Variants in ATP6V0A4 observed in about 807,000 individuals in gnomAD.
ATP6V0A4 encodes the protein ATPase H+ transporting V0 subunit a4, also known as V-type proton ATPase 116 kDa subunit a 4.
In ATP6V0A4, 86 loss-of-function variants were observed where a neutral mutation model predicts 107.3. The observed-to-expected ratio is 0.80, with a 90% confidence interval of 0.67 to 0.96. The LOEUF is 0.96. ATP6V0A4 is among the 40% of genes least tolerant of loss of function. ATP6V0A4 has a pLI of 0.00. For synonymous variants in ATP6V0A4, 353 were observed against 381.4 expected, an observed-to-expected ratio of 0.93 and a Z score of 0.87; for missense variants, 908 against 1,045.6, an observed-to-expected ratio of 0.87 and a Z score of 1.81.
intron 5 of ATP6V0A4, 151 bp downstream of exon 5, chr7:138,768,629 C>T: frequency 1.1e-6 from 1 of 925,970 alleles, no homozygotes; most frequent in Non-Finnish European, 1.6e-6. Flanking sequence ...TTTCCTGGGG[C>T]TGTAACCCTG....
chr7:138,713,758 T>G (rs931059174), intron 20 of ATP6V0A4, among the ~76,000 whole-genome samples: 1 of 152,114 alleles, frequency 6.6e-6, no homozygotes, highest in Non-Finnish European at 1.5e-5. Flanking sequence ...GCAAGGGGGC[T>G]GCAGGGGCAA....
At chr7:138,707,350 A>AATATATATTATATTATATATATATAT (rs1803489311) in intron 21 of ATP6V0A4, among the ~76,000 whole-genome samples, 3 of 90,394 alleles carry the variant, frequency 3.3e-5, no homozygotes, top group African/African-American at 9.4e-5. Context: ...TATATATTAT[A>AATATATATTATATTATATATATATAT]ATATATATTA....
chr7:138,743,465 A>AAAAAAG (rs931596614), intron 14 of ATP6V0A4, among the ~76,000 whole-genome samples: 1 of 151,482 alleles, frequency 6.6e-6, no homozygotes, highest in African/African-American at 2.4e-5. Context: ...CTCAAAAAAA[A>AAAAAAG]AAAAAGAAAA....
rs774817040 is a variant in ATP6V0A4, at chr7:138,732,890, A to C, written c.1895T>G (p.Leu632Arg). Residue 632 changes from leucine to arginine, a missense_variant, in exon 17 of 22, where the codon CTC (leucine) becomes CGC (arginine). By Grantham distance (102) the Leu-to-Arg change is moderately radical. Coordinates refer to ENST00000310018, the MANE Select transcript of ATP6V0A4 (RefSeq NM_020632.3). ...TAGCAGAAATACCTGATGTTTGTAG[A>C]GGGGTGCGTTGGAAGAGTCACTGTA... ...FNYSDSSNAP[L>R]YKHQQEVQSF... is the part of the protein sequence containing the mutation. The C allele has an allele frequency of 1.2e-6, 2 of 1,610,828 alleles. No homozygotes were observed. Among genetic ancestry groups the C allele is most frequent in the East Asian group, 2.2e-5 (1 of 44,838 alleles).
chr7:138,755,750 G>A lies in ATP6V0A4; in HGVS notation c.755C>T (p.Pro252Leu), dbSNP rs61747681. ...FRATVYPCPE[P>L]AVERREMLES... ...CAACATCTCTCTGCGCTCCACCGCA[G>A]GCTCTGGGCAAGGGTAGACAGTGGC... is the stretch of plus-strand genomic sequence containing the variant. Residue 252 changes from proline to leucine, a missense_variant, in exon 10 of 22, where the codon CCT becomes CTT. By Grantham distance (98) the Pro-to-Leu change is moderately conservative (BLOSUM62 -3). Transcript: ENST00000310018. 4 of 1,613,798 alleles carry A rather than the reference G, an allele frequency of 2.5e-6. No individual in the cohort carries two copies. The African/African-American group carries it at 4.0e-5, about 16-fold the overall frequency.
intron 19 of ATP6V0A4, among the ~76,000 whole-genome samples, chr7:138,719,060 C>T (rs1274831220): frequency 6.6e-6 from 1 of 152,066 alleles, no homozygotes; most frequent in Non-Finnish European, 1.5e-5. Context: ...GTGGCATGCA[C>T]CTGCGGTCCC....
intron 18 of ATP6V0A4, among the ~76,000 whole-genome samples, chr7:138,728,277 G>T (rs555344519): frequency 1.3e-5 from 2 of 152,042 alleles, no homozygotes; most frequent in African/African-American, 4.8e-5. Context: ...CCAGGCTAGA[G>T]TGAAGTGTGA....
chr7:138,722,449 G>C (rs1195614999), intron 18 of ATP6V0A4, among the ~76,000 whole-genome samples: 1 of 152,118 alleles, frequency 6.6e-6, no homozygotes. Flanking sequence ...CAGATCACTT[G>C]AGGTCAGGAG....
At chr7:138,706,911 T>A in intron 21 of ATP6V0A4, 194 bp from the exon 22 acceptor site, 1 of 317,678 alleles carries the variant, frequency 3.1e-6, no homozygotes, top group Non-Finnish European at 4.2e-6. Context: ...TTTTTTTTTT[T>A]GAGACAGAGT....
intron 19 of ATP6V0A4, among the ~76,000 whole-genome samples, chr7:138,716,587 A>AG (rs1804053244): frequency 5.0e-5 from 5 of 99,064 alleles, no homozygotes; most frequent in African/African-American, 1.3e-4. Context: ...GGGGGGGGGG[A>AG]GGGTCTTGCT....
rs747671750 is a variant in ATP6V0A4 at position 138,728,851 on chromosome 7, T to G, written c.1920A>C (p.Gln640His). Residue 640 changes from glutamine (Q) to histidine (H), a missense_variant, in exon 18 of 22, where the codon CAA (glutamine) becomes CAC (histidine). Gln to His is a conservative substitution (Grantham distance 24, BLOSUM62 0). Coordinates refer to ENST00000310018, the MANE Select transcript of ATP6V0A4 (RefSeq NM_020632.3). Reference sequence around the variant, plus strand: ...TCAAAGCCATAACCACAAAGAAACTTTGGACTTCTTGCTGCAAGACCAAAA... The same window carrying G: ...TCAAAGCCATAACCACAAAGAAACTGTGGACTTCTTGCTGCAAGACCAAAA... ...APLYKHQQEV[Q>H]SFFVVMALIS... 2 of 1,614,100 alleles carry G rather than the reference T, an allele frequency of 1.2e-6. No homozygotes were observed. Among genetic ancestry groups the G allele is most frequent in the Non-Finnish European group, 1.7e-6 (2 of 1,180,026 alleles).
intron 2 of ATP6V0A4, among the ~76,000 whole-genome samples, chr7:138,772,954 A>G (rs1025186393): frequency 1.3e-5 from 2 of 152,166 alleles, no homozygotes; most frequent in African/African-American, 4.8e-5. Flanking sequence ...TGAAGGCCAC[A>G]TGAGAGCCAA....
At position 138,728,795 on chromosome 7, in the gene ATP6V0A4, G is replaced by T; in HGVS notation, c.1976C>A (p.Pro659Gln). ...CCGATGACTGGCTCTAAGAATAAACGGCTTAATCAGAAGCATCCACGGCAC... is the reference window on the plus strand; with the variant it reads ...CCGATGACTGGCTCTAAGAATAAACTGCTTAATCAGAAGCATCCACGGCAC... Reference protein sequence around the residue: ...ISVPWMLLIKPFILRASHRKS... With the variant: ...ISVPWMLLIKQFILRASHRKS... Residue 659 changes from proline to glutamine, a missense_variant, in exon 18 of 22, where the codon CCG becomes CAG. By Grantham distance (76) the Pro-to-Gln change is moderately conservative. Transcript: ENST00000310018. 1 of 1,614,126 alleles carries T rather than the reference G, an allele frequency of 6.2e-7. No individual in the cohort carries two copies. The highest frequency in any genetic ancestry group is 1.3e-5 in the African/African-American group (1 of 75,028).
chr7:138,763,185 AG>A, intron 5 of ATP6V0A4, 160 bp from the exon 6 acceptor site: 1 of 399,338 alleles, frequency 2.5e-6, no homozygotes, highest in Non-Finnish European at 3.5e-6. Context: ...AGACACACAC[AG>A]ACACACACAC....
intron 1 of ATP6V0A4, among the ~76,000 whole-genome samples, chr7:138,794,586 G>C (rs946648964): frequency 6.6e-6 from 1 of 151,924 alleles, no homozygotes; most frequent in Non-Finnish European, 1.5e-5. Context: ...CCACCACCAT[G>C]GTGCCTAGCC....
At chr7:138,750,239 C>T (rs374327600) in intron 11 of ATP6V0A4, among the ~76,000 whole-genome samples, 256 of 152,210 alleles carry the variant, frequency 1.7e-3, no homozygotes, top group South Asian at 2.9e-3. Flanking sequence ...CTCTTCTCCA[C>T]TTGCTCAAGT....
chr7:138,770,661 C>T (rs758204141), intron 3 of ATP6V0A4, among the ~76,000 whole-genome samples: 14 of 152,206 alleles, frequency 9.2e-5, no homozygotes, highest in Non-Finnish European at 1.5e-4. Context: ...CCATGTCATA[C>T]TCAAGACTGT....
rs999228 is a variant in ATP6V0A4 at position 138,716,113 on chromosome 7, A to C, written c.2140-232T>G. 0.51 allele frequency among the ~76,000 whole-genome samples: 77,976 copies of C among 152,086 alleles called. 20,569 individuals are homozygous for C. Among genetic ancestry groups the C allele is most frequent in the African/African-American group, 0.63 (26,222 of 41,506 alleles). On this transcript the variant is annotated intron_variant, in intron 19 of 21. Coordinates refer to ENST00000310018, the MANE Select transcript of ATP6V0A4 (RefSeq NM_020632.3). Reference sequence around the variant, plus strand: ...CTGAAAAAAAGCTCAAAGATGACAAATGGGTGGTAAGGGGAGATGAGATTT... The same window carrying C: ...CTGAAAAAAAGCTCAAAGATGACAACTGGGTGGTAAGGGGAGATGAGATTT...
chr7:138,733,572 C>CTTTTT (rs3080537), intron 16 of ATP6V0A4, among the ~76,000 whole-genome samples: 21 of 87,072 alleles, frequency 2.4e-4, no homozygotes, highest in African/African-American at 7.8e-4. Context: ...AATGGTTTCT[C>CTTTTT]TTTTTTTTTT....
Sources: gnomAD v4.1 joint callset for allele counts (sites outside exome capture counted in the v4.1 genomes callset) on GRCh38, gnomAD v4.1.1 for gene constraint, MANE v1.5 for transcripts, NCBI Gene and HGNC (gene_info 2026-07-23, HGNC 2026-07-21) for gene names.